The following DMD variants were observed in gnomAD, a reference collection of about 807,000 sequenced individuals.
DMD encodes dystrophin.
DMD carries 63 observed loss-of-function variants against 330.1 expected under a neutral mutation model. That is an observed-to-expected ratio of 0.19 (90% CI 0.16 to 0.24). The LOEUF (loss-of-function observed/expected upper bound fraction) is 0.24. Among genes scored for constraint, DMD ranks in the 10% least tolerant of loss-of-function variants. The pLI, the probability that DMD is intolerant of heterozygous loss-of-function variation, is 1.00. For synonymous variants in DMD, 1,223 were observed against 959.8 expected (o/e 1.27, Z -5.07); for missense variants, 3,344 against 2,684.1 (o/e 1.25, Z -5.43).
intron 41 of DMD, among the ~76,000 whole-genome samples, chrX:32,312,694 GA>G (rs2097567124): frequency 1.9e-5 from 2 of 107,777 alleles, no homozygotes; most frequent in South Asian, 8.3e-4. Flanking sequence ...TAATAAAGAA[GA>G]AAAGAGAAAA....
chrX:33,117,010 G>A (rs981245101), intron 1 of DMD, among the ~76,000 whole-genome samples: 3 of 109,646 alleles, frequency 2.7e-5, no homozygotes, highest in African/African-American at 6.6e-5. Context: ...TGGAACTTTC[G>A]GCTACATAGT....
At chrX:31,309,710 C>G (rs2178537) in intron 62 of DMD, among the ~76,000 whole-genome samples, 268 of 111,058 alleles carry the variant, frequency 2.4e-3, no homozygotes, top group Middle Eastern at 9.3e-3. Flanking sequence ...ATCACACATG[C>G]GTTTCCAAAA....
intron 1 of DMD, among the ~76,000 whole-genome samples, chrX:33,030,862 A>G (rs751185562): frequency 2.7e-5 from 3 of 111,956 alleles, no homozygotes; most frequent in African/African-American, 9.7e-5. Context: ...AACCAAAAGG[A>G]AAGCAAACAG....
intron 50 of DMD, among the ~76,000 whole-genome samples, chrX:31,794,562 G>T (rs1475463255): frequency 9.0e-6 from 1 of 111,717 alleles, no homozygotes; most frequent in African/African-American, 3.3e-5. Flanking sequence ...CATTTTCATT[G>T]TTCATGGTTT....
intron 7 of DMD, among the ~76,000 whole-genome samples, chrX:32,765,142 T>C (rs961861585): frequency 2.7e-5 from 3 of 110,217 alleles, no homozygotes; most frequent in Non-Finnish European, 5.7e-5. Context: ...TTAATTGCTG[T>C]TTTTCTGTTG....
At chrX:31,637,727 A>T (rs1007330623) in intron 54 of DMD, among the ~76,000 whole-genome samples, 8 of 111,692 alleles carry the variant, frequency 7.2e-5, no homozygotes, top group Non-Finnish European at 1.3e-4. Flanking sequence ...CTTGATGTGA[A>T]TTTATTGAAT....
intron 2 of DMD, among the ~76,000 whole-genome samples, chrX:32,985,413 C>T (rs1357088508): frequency 9.0e-6 from 1 of 111,257 alleles, no homozygotes; most frequent in Non-Finnish European, 1.9e-5. Context: ...CAAGGGAAAA[C>T]GATTAAAACC....
At chrX:32,405,016 C>T (rs1006845460) in intron 30 of DMD, among the ~76,000 whole-genome samples, 1 of 111,696 alleles carries the variant, frequency 9.0e-6, no homozygotes, top group East Asian at 2.8e-4. Flanking sequence ...CACTCTGACT[C>T]CCTCCCATTG....
intron 51 of DMD, among the ~76,000 whole-genome samples, chrX:31,753,261 C>G (rs1188382301): frequency 8.9e-6 from 1 of 112,056 alleles, no homozygotes; most frequent in Non-Finnish European, 1.9e-5. Flanking sequence ...TGAATATATG[C>G]TGCTTTCTAT....
chrX:32,156,015 C>CACA (rs1452052872), intron 44 of DMD, among the ~76,000 whole-genome samples: 1 of 96,797 alleles, frequency 1.0e-5, no homozygotes, highest in Non-Finnish European at 2.1e-5. Context: ...CACACACACA[C>CACA]ACCTGTATAG....
intron 45 of DMD, among the ~76,000 whole-genome samples, chrX:31,943,146 A>G (rs2095029976): frequency 8.9e-6 from 1 of 112,538 alleles, no homozygotes; most frequent in Non-Finnish European, 1.9e-5. Flanking sequence ...GAGTAGTTGC[A>G]GCAAAGATTG....
Position 31,679,505 on chromosome X carries a change from T to A in DMD, c.7742A>T (p.Asp2581Val). Reference sequence around the variant, plus strand: ...CTTAGCTTCCAGCCATTGTGTTGAATCCTTTAACATTTCATTCAACTGTTG... The same window carrying A: ...CTTAGCTTCCAGCCATTGTGTTGAAACCTTTAACATTTCATTCAACTGTTG... ...RRQQLNEMLK[D>V]STQWLEAKEE... is the part of the protein sequence containing the mutation. Residue 2581 changes from aspartate to valine, a missense_variant, in exon 53 of 79, where the codon GAT becomes GTT. Transcript: ENST00000357033. 8.3e-7 allele frequency: 1 copy of A among 1,211,572 alleles called. No individual in the cohort carries two copies. The highest frequency in any genetic ancestry group is 1.8e-5 in the South Asian group (1 of 57,000).
chrX:31,237,472 G>C (rs1304307278), intron 63 of DMD, among the ~76,000 whole-genome samples: 1 of 112,330 alleles, frequency 8.9e-6, no homozygotes, highest in Non-Finnish European at 1.9e-5. Context: ...CTAATGATGA[G>C]ATCCTGCTGA....
chrX:33,133,192 C>G (rs1435810111), intron 1 of DMD, among the ~76,000 whole-genome samples: 2 of 110,972 alleles, frequency 1.8e-5, no homozygotes, highest in African/African-American at 6.6e-5. Context: ...AGGTTAGGCT[C>G]CTGCTGAGAG....
intron 1 of DMD, among the ~76,000 whole-genome samples, chrX:33,271,765 CA>C (rs1157712032): frequency 1.0e-4 from 4 of 38,334 alleles, no homozygotes; most frequent in South Asian, 2.7e-3. Flanking sequence ...GACTCTGTCT[CA>C]AAAAAAAAAC....
intron 44 of DMD, chrX:32,206,187 C>T (rs759052081): frequency 3.5e-5 from 18 of 507,335 alleles, no homozygotes; most frequent in Non-Finnish European, 5.0e-5. Context: ...AGTGGTCTTA[C>T]GGTTGAAGTG....
At chrX:32,043,186 T>C (rs1418673800) in intron 44 of DMD, among the ~76,000 whole-genome samples, 1 of 111,358 alleles carries the variant, frequency 9.0e-6, no homozygotes, top group Non-Finnish European at 1.9e-5. Flanking sequence ...CTCACAAAGA[T>C]AAAAAACCCA....
At chrX:31,786,680 A>G (rs1376362204) in intron 50 of DMD, among the ~76,000 whole-genome samples, 1 of 111,818 alleles carries the variant, frequency 8.9e-6, no homozygotes, top group Non-Finnish European at 1.9e-5. Context: ...CATTGACTCC[A>G]GAATAATAAT....
At chrX:31,988,448 T>A (rs1235839054) in intron 44 of DMD, among the ~76,000 whole-genome samples, 1 of 75,540 alleles carries the variant, frequency 1.3e-5, no homozygotes, top group Non-Finnish European at 2.3e-5. Flanking sequence ...CACTCCAGCC[T>A]GGGCAACAGA....
Sources: gnomAD v4.1 joint callset for allele counts (sites outside exome capture counted in the v4.1 genomes callset) on GRCh38, gnomAD v4.1.1 for gene constraint, MANE v1.5 for transcripts, NCBI Gene and HGNC (gene_info 2026-07-23, HGNC 2026-07-21) for gene names.